The following COL4A4 variants were observed in gnomAD, a reference collection of about 807,000 sequenced individuals.
COL4A4 encodes collagen alpha-4(IV) chain.
Under a neutral mutation model 192.9 loss-of-function variants are expected in COL4A4, and 105 were observed. The observed-to-expected ratio is 0.54, with a 90% CI of 0.46 to 0.64. The LOEUF is 0.64. COL4A4 is among the 30% of genes least tolerant of loss of function. The pLI is 0.00. For synonymous variants in COL4A4, 762 were observed against 769.9 expected, an observed-to-expected ratio of 0.99 and a Z score of 0.17; for missense variants, 1,967 against 2,169.3, an observed-to-expected ratio of 0.91 and a Z score of 1.85.
At chr2:227,088,512 C>A in intron 22 of COL4A4, 141 bp downstream of exon 22, 1 of 1,100,292 alleles carries the variant, frequency 9.1e-7, no homozygotes, top group South Asian at 1.3e-5. Context: ...GAGGCCTCCC[C>A]ACCCATACAG....
At chr2:227,008,408 CT>C in intron 46 of COL4A4, 104 bp from the exon 47 acceptor site, 1 of 1,308,130 alleles carries the variant, frequency 7.6e-7, no homozygotes, top group East Asian at 2.4e-5. Context: ...GTTCTGAAAT[CT>C]GGAGGCCCTC....
At position 227,027,996 on chromosome 2, in the gene COL4A4, G is replaced by A. The variant is rs1202711461; in HGVS notation, c.3987C>T (p.Phe1329=). The A allele has an allele frequency of 1.2e-6, 2 of 1,609,764 alleles. No individual in the cohort carries two copies. The highest frequency in any genetic ancestry group is 1.7e-6 in the Non-Finnish European group (2 of 1,176,912). Residue 1329 remains phenylalanine (F), a synonymous_variant, in exon 42 of 48, where the codon TTC becomes TTT. Coordinates refer to ENST00000396625, the MANE Select transcript of COL4A4 (RefSeq NM_000092.5). ...GKDGQKGPVG[F]PGPQGPHGFP... ...ATCCATGTGGTCCCTGCGGTCCCGG[G>A]AATCCCACTGGTCCTTAAAAAAAAA... is the stretch of plus-strand genomic sequence containing the variant.
At chr2:226,986,143 C>T in the COL4A4 span, among the ~76,000 whole-genome samples, 3 of 152,168 alleles carry the variant, frequency 2.0e-5, no homozygotes, top group East Asian at 5.8e-4. Context: ...AAATTCTTCA[C>T]GATATCTGTC....
the COL4A4 span, among the ~76,000 whole-genome samples, chr2:226,995,038 G>A: frequency 1.3e-5 from 2 of 151,912 alleles, no homozygotes; most frequent in African/African-American, 4.8e-5. Flanking sequence ...ATCAGAAGAA[G>A]CCAAACCAGC....
intron 21 of COL4A4, 143 bp from the exon 22 acceptor site, chr2:227,088,959 T>C (rs911913899): frequency 1.0e-6 from 1 of 957,432 alleles, no homozygotes; most frequent in Admixed American, 2.0e-5. Flanking sequence ...GCACGTGCTG[T>C]GGGGGCTGGG....
In COL4A4 at chr2:227,006,756, G is replaced by T. The variant is rs772402371; in HGVS notation, c.*569C>A. On this transcript the variant is annotated 3_prime_UTR_variant, in exon 48 of 48. Transcript: ENST00000396625. ...AAGGAACTGTTAACGCTGGCAGTGT[G>T]AATTTTTTTTTTTCTTCTTTAAAAA... is the stretch of plus-strand genomic sequence containing the variant. 29 of 123,564 alleles carry T rather than the reference G, an allele frequency of 2.3e-4. No homozygotes were observed. The highest frequency in any genetic ancestry group is 4.1e-4 in the Non-Finnish European group (24 of 59,024). 7.7% of individuals were successfully genotyped at this position (123,564 alleles called of 1,614,324 possible).
chr2:227,051,862 TG>T (rs1974177840), intron 32 of COL4A4, among the ~76,000 whole-genome samples: 1 of 152,058 alleles, frequency 6.6e-6, no homozygotes, highest in African/African-American at 2.4e-5. Context: ...AAGCAAAAAA[TG>T]TACCACAAGG....
At chr2:227,121,236 G>A in intron 4 of COL4A4, 88 bp from the exon 5 acceptor site, 4 of 1,438,878 alleles carry the variant, frequency 2.8e-6, no homozygotes, top group South Asian at 2.4e-5. Flanking sequence ...GCCTACAGAA[G>A]ACTTGGAAAT....
chr2:227,088,632 T>C (rs377239758), intron 22 of COL4A4, 21 bp downstream of exon 22: 2 of 1,613,716 alleles, frequency 1.2e-6, no homozygotes, highest in East Asian at 2.2e-5. Flanking sequence ...ACTGGAAAGA[T>C]GACTGGTAAG....
At chr2:227,081,990 TA>T in intron 23 of COL4A4, 124 bp downstream of exon 23, 1 of 869,196 alleles carries the variant, frequency 1.2e-6, no homozygotes, top group Non-Finnish European at 2.0e-6. Context: ...AGTATTTTTT[TA>T]AGTAATCTCA....
chr2:227,129,565 C>T (rs1000810019), intron 4 of COL4A4, among the ~76,000 whole-genome samples: 4 of 152,048 alleles, frequency 2.6e-5, no homozygotes, highest in South Asian at 2.1e-4. Context: ...GCCACCACCA[C>T]GCCTGGCTAA....
At chr2:227,079,493 T>A (rs1282535056) in intron 24 of COL4A4, among the ~76,000 whole-genome samples, 1 of 152,146 alleles carries the variant, frequency 6.6e-6, no homozygotes, top group African/African-American at 2.4e-5. Context: ...ATAAACACCA[T>A]CTAAGCCAAT....
chr2:227,120,447 G>A (rs534957000), intron 5 of COL4A4, among the ~76,000 whole-genome samples: 1 of 152,258 alleles, frequency 6.6e-6, no homozygotes, highest in African/African-American at 2.4e-5. Context: ...TCAGTGTGAT[G>A]CATATAATTA....
intron 4 of COL4A4, among the ~76,000 whole-genome samples, chr2:227,136,581 C>A (rs916977590): frequency 6.6e-6 from 1 of 152,074 alleles, no homozygotes; most frequent in Non-Finnish European, 1.5e-5. Flanking sequence ...TCAAAGGAGG[C>A]CCCCCTTGAT....
At chr2:227,139,780 G>A (rs1490591695) in intron 4 of COL4A4, among the ~76,000 whole-genome samples, 2 of 152,184 alleles carry the variant, frequency 1.3e-5, no homozygotes, top group African/African-American at 2.4e-5. Flanking sequence ...GAGTCCTGTG[G>A]TCAACTGTCT....
chr2:226,972,940 A>G, the COL4A4 span, among the ~76,000 whole-genome samples: 1 of 151,754 alleles, frequency 6.6e-6, no homozygotes, highest in East Asian at 1.9e-4. Flanking sequence ...AAAAAAAAAA[A>G]AAAAACAAAA....
At chr2:227,070,610 A>T (rs369357081) in intron 25 of COL4A4, among the ~76,000 whole-genome samples, 2 of 151,676 alleles carry the variant, frequency 1.3e-5, no homozygotes, top group Admixed American at 1.3e-4. Flanking sequence ...TCAGTAAACT[A>T]TCGCAAGAAC....
chr2:227,107,760 T>C (rs1032250315), intron 12 of COL4A4, among the ~76,000 whole-genome samples: 16 of 146,346 alleles, frequency 1.1e-4, no homozygotes, highest in African/African-American at 2.3e-4. Flanking sequence ...ACTTTTCTTT[T>C]TTTTTTTTTT....
At chr2:227,027,661 TA>T (rs1559443716) in intron 42 of COL4A4, among the ~76,000 whole-genome samples, 1 of 150,802 alleles carries the variant, frequency 6.6e-6, no homozygotes, top group South Asian at 2.1e-4. Context: ...AGAAAAAAAT[TA>T]AAAAATAAAG....
Sources: gnomAD v4.1 joint callset for allele counts (sites outside exome capture counted in the v4.1 genomes callset) on GRCh38, gnomAD v4.1.1 for gene constraint, MANE v1.5 for transcripts, NCBI Gene and HGNC (gene_info 2026-07-23, HGNC 2026-07-21) for gene names.